Variants in TUT4 observed in about 807,000 individuals in gnomAD.
TUT4 encodes the protein terminal uridylyl transferase 4.
A neutral mutation model predicts 192.2 loss-of-function variants in TUT4; 36 were observed. The ratio of observed to expected loss-of-function variants is 0.19; its 90% CI spans 0.14 to 0.25. The LOEUF is 0.25. Among genes scored for constraint, TUT4 ranks in the 10% least tolerant of loss-of-function variants. TUT4 has a pLI of 1.00. For synonymous variants in TUT4, 618 were observed against 666.0 expected, an observed-to-expected ratio of 0.93 and a Z score of 1.11; for missense variants, 1,493 against 1,957.2, an observed-to-expected ratio of 0.76 and a Z score of 4.47.
In TUT4 at chr1:52,436,776, G is replaced by C; in HGVS notation, c.4141C>G (p.Gln1381Glu). Reference sequence around the variant, plus strand: ...TTACCTGCCACACTGCTATTCCTCTGACGGGCCAGCTTGACCTCTGGGCAC... The same window carrying C: ...TTACCTGCCACACTGCTATTCCTCTCACGGGCCAGCTTGACCTCTGGGCAC... ...RECPEVKLAR[Q>E]RNSSVAAAQL... The change falls in exon 26 of 30, where the codon CAG becomes GAG. Residue 1381 changes from glutamine (Q) to glutamate (E), a missense_variant. By Grantham distance (29) the Gln-to-Glu change is conservative. Transcript: ENST00000257177. 6.2e-7 allele frequency: 1 copy of C among 1,613,560 alleles called. No individual in the cohort carries two copies. Among genetic ancestry groups the C allele is most frequent in the Non-Finnish European group, 8.5e-7 (1 of 1,180,038 alleles).
Position 52,526,129 on chromosome 1 carries a change from T to C in TUT4, c.152A>G (p.Asn51Ser), listed in dbSNP as rs775920479. Residue 51 changes from asparagine to serine, a missense_variant, in exon 2 of 30, where the codon AAT becomes AGT. By Grantham distance (46) the Asn-to-Ser change is conservative. Transcript: ENST00000257177. ...CTTATTTTTTTTACTACTATTCCTA[T>C]TTGGAGAGCTGTTCTCAATTTCTTT... ...SVKEIENSSP[N>S]RNSSKKNKQN... 1 of 1,612,302 alleles carries C rather than the reference T, an allele frequency of 6.2e-7. No homozygotes were observed. Among genetic ancestry groups the C allele is most frequent in the South Asian group, 1.1e-5 (1 of 90,336 alleles).
chr1:52,454,913 C>T (rs1358674871), intron 20 of TUT4, among the ~76,000 whole-genome samples: 1 of 152,164 alleles, frequency 6.6e-6, no homozygotes, highest in African/African-American at 2.4e-5. Context: ...AAGAACCTCA[C>T]CAAAGAAGAC....
intron 1 of TUT4, among the ~76,000 whole-genome samples, chr1:52,542,646 T>C (rs943619388): frequency 3.9e-5 from 6 of 152,136 alleles, no homozygotes; most frequent in East Asian, 1.9e-4. Context: ...TAATAAAAGC[T>C]ATCTAAGGAA....
At chr1:52,446,199 GT>G in intron 22 of TUT4, 65 bp downstream of exon 22, 1 of 1,484,098 alleles carries the variant, frequency 6.7e-7, no homozygotes, top group South Asian at 1.3e-5. Flanking sequence ...ATGTATTTCA[GT>G]TTTCCCCTCA....
At chr1:52,441,574 T>A (rs1655590317) in intron 24 of TUT4, among the ~76,000 whole-genome samples, 1 of 150,384 alleles carries the variant, frequency 6.6e-6, no homozygotes, top group South Asian at 2.1e-4. Flanking sequence ...ATTACAAACA[T>A]GAGCCACCGC....
chr1:52,463,689 C>A (rs954667878), intron 16 of TUT4: 1 of 1,304,118 alleles, frequency 7.7e-7, no homozygotes, highest in South Asian at 1.2e-5. Flanking sequence ...TTGCTAGTTG[C>A]TGTTGAGAAG....
At chr1:52,433,447 T>C (rs915751381) in intron 27 of TUT4, 5 of 151,974 alleles carry the variant, frequency 3.3e-5, no homozygotes, top group Non-Finnish European at 7.3e-5. Flanking sequence ...GGAAACTAGA[T>C]AGAAAATGGG....
At chr1:52,506,986 AT>A (rs1367698228) in intron 4 of TUT4, among the ~76,000 whole-genome samples, 3 of 152,228 alleles carry the variant, frequency 2.0e-5, no homozygotes, top group Non-Finnish European at 4.4e-5. Flanking sequence ...AAAATATTTT[AT>A]GTAGGACCAG....
At chr1:52,515,115 T>C (rs1283694660) in intron 3 of TUT4, 2 of 152,178 alleles carry the variant, frequency 1.3e-5, no homozygotes, top group African/African-American at 4.8e-5. Context: ...CTAGCAGTGT[T>C]TTTATTGAGG....
intron 1 of TUT4, among the ~76,000 whole-genome samples, chr1:52,549,423 T>C (rs2149783296): frequency 6.6e-6 from 1 of 152,322 alleles, no homozygotes; most frequent in Admixed American, 6.5e-5. Context: ...AGGTCTGGAA[T>C]GACCTCCAAC....
At chr1:52,470,199 C>A (rs950401438) in intron 14 of TUT4, among the ~76,000 whole-genome samples, 4 of 151,910 alleles carry the variant, frequency 2.6e-5, no homozygotes, top group Non-Finnish European at 5.9e-5. Flanking sequence ...ACAAAAAAAA[C>A]CACACACTGA....
intron 20 of TUT4, among the ~76,000 whole-genome samples, chr1:52,452,518 A>C (rs1454432793): frequency 6.6e-6 from 1 of 152,178 alleles, no homozygotes; most frequent in African/African-American, 2.4e-5. Context: ...AGAAGGGCTA[A>C]AGGTTAAGTT....
intron 27 of TUT4, chr1:52,432,165 G>C (rs1652298364): frequency 6.6e-6 from 1 of 152,146 alleles, no homozygotes. Flanking sequence ...TTGTTCAAGG[G>C]TCAACTACAT....
rs567397595 is a variant in TUT4 at position 52,493,803 on chromosome 1, T to G, written c.1267-141A>C. On this transcript the variant is annotated intron_variant, in intron 6 of 29. Coordinates refer to ENST00000257177, the MANE Select transcript of TUT4 (RefSeq NM_001009881.3). ...TTTAAATAGTGAAAACAGAATCGTG[T>G]TTTTTTTTTGTTTTTTTTTGAGATG... The G allele has an allele frequency of 6.3e-4, 351 of 560,402 alleles. 3 individuals are homozygous for G. Among genetic ancestry groups the G allele is most frequent in the South Asian group, 4.7e-3 (241 of 51,228 alleles). 34.7% of individuals were successfully genotyped at this position (560,402 alleles called of 1,614,324 possible).
Position 52,431,078 on chromosome 1 carries a change from T to C in TUT4, c.4646A>G (p.Asp1549Gly), listed in dbSNP as rs1651926569. 6.8e-6 allele frequency: 11 copies of C among 1,613,940 alleles called. No homozygotes were observed. Among genetic ancestry groups the C allele is most frequent in the Admixed American group, 1.7e-5 (1 of 60,000 alleles). The stretch of plus-strand genomic sequence containing the variant: ...AGCCACAGTACGGGGCCAGTGTCCA[T>C]CGTGAGACGTGTTAGGGATTGCCAC... ...RPVAIPNTSHDGHWPRTVAPN... is the reference protein window; with the variant it reads ...RPVAIPNTSHGGHWPRTVAPN... Residue 1549 changes from aspartate (D) to glycine (G), a missense_variant, in exon 28 of 30, where the codon GAT becomes GGT. By Grantham distance (94) the Asp-to-Gly change is moderately conservative (BLOSUM62 -1). Transcript: ENST00000257177.
chr1:52,524,888 G>C (rs1409733655), intron 2 of TUT4, among the ~76,000 whole-genome samples: 1 of 152,162 alleles, frequency 6.6e-6, no homozygotes, highest in East Asian at 1.9e-4. Context: ...GGCTTAGAAG[G>C]CCCTGATATT....
At chr1:52,465,761 T>C (rs1297392745) in intron 15 of TUT4, among the ~76,000 whole-genome samples, 1 of 152,218 alleles carries the variant, frequency 6.6e-6, no homozygotes, top group Admixed American at 6.5e-5. Flanking sequence ...GTGATTATAG[T>C]CCACTTGATA....
At chr1:52,444,941 ACATG>A (rs1656991536) in intron 24 of TUT4, among the ~76,000 whole-genome samples, 2 of 120,892 alleles carry the variant, frequency 1.7e-5, no homozygotes, top group Admixed American at 7.3e-5. Context: ...ATATGTATAT[ACATG>A]TATGTGTATA....
intron 1 of TUT4, among the ~76,000 whole-genome samples, chr1:52,545,250 G>A (rs182001052): frequency 4.6e-5 from 7 of 151,600 alleles, no homozygotes; most frequent in East Asian, 1.9e-4. Flanking sequence ...AGTGGCAAGC[G>A]CCTGTAATCC....
Sources: allele counts gnomAD v4.1 joint callset (sites outside exome capture counted in the v4.1 genomes callset), GRCh38; gene constraint gnomAD v4.1.1; transcripts MANE v1.5; gene names NCBI Gene and HGNC (gene_info 2026-07-23, HGNC 2026-07-21).